ACTR3C: variants seen among roughly 807,000 people sequenced by gnomAD.
ACTR3C encodes actin-related protein 3C.
In ACTR3C, 18 loss-of-function variants were observed where a neutral mutation model predicts 26.3. The ratio of observed to expected loss-of-function variants is 0.68; its 90% CI spans 0.47 to 1.01. ACTR3C has a LOEUF of 1.01. ACTR3C is among the 50% of genes least tolerant of loss of function. ACTR3C has a pLI of 0.00. For synonymous variants in ACTR3C, 55 were observed against 94.5 expected, an observed-to-expected ratio of 0.58 and a Z score of 2.42; for missense variants, 184 against 250.7, an observed-to-expected ratio of 0.73 and a Z score of 1.80.
chr7:150,311,707 A>G (rs1796340543), intron 1 of ACTR3C, among the ~76,000 whole-genome samples: 1 of 152,114 alleles, frequency 6.6e-6, no homozygotes. Context: ...TAGTTTATTG[A>G]TGGCAGTTCC....
chr7:150,118,056 A>G, the ACTR3C span, among the ~76,000 whole-genome samples: 2 of 152,214 alleles, frequency 1.3e-5, no homozygotes, highest in African/African-American at 4.8e-5. Context: ...CAAAAAGGAC[A>G]ACAACGCAAA....
At chr7:150,192,968 T>C in the ACTR3C span, among the ~76,000 whole-genome samples, 8 of 152,238 alleles carry the variant, frequency 5.3e-5, no homozygotes, top group South Asian at 2.1e-4. Flanking sequence ...TCTTAACCTC[T>C]GTATTGTACC....
At chr7:150,187,268 G>A in the ACTR3C span, among the ~76,000 whole-genome samples, 1 of 150,558 alleles carries the variant, frequency 6.6e-6, no homozygotes. Context: ...CCAAGCACCT[G>A]TGTTTTTTAA....
the ACTR3C span, among the ~76,000 whole-genome samples, chr7:150,156,572 G>A: frequency 2.6e-5 from 4 of 151,802 alleles, no homozygotes; most frequent in East Asian, 7.8e-4. Flanking sequence ...AGAGAGAGAG[G>A]AGAAAGAGAG....
At chr7:149,952,340 G>T in the ACTR3C span, among the ~76,000 whole-genome samples, 1 of 146,124 alleles carries the variant, frequency 6.8e-6, no homozygotes, top group East Asian at 1.9e-4. Context: ...AAATGGCATT[G>T]TCATAGTTTT....
intron 1 of ACTR3C, among the ~76,000 whole-genome samples, chr7:150,310,846 C>T (rs1796252311): frequency 6.6e-6 from 1 of 152,202 alleles, no homozygotes; most frequent in Non-Finnish European, 1.5e-5. Flanking sequence ...ATCTTCCCAG[C>T]AGAACACTAT....
At chr7:150,263,763 G>T (rs1364716477) in intron 6 of ACTR3C, among the ~76,000 whole-genome samples, 1 of 152,198 alleles carries the variant, frequency 6.6e-6, no homozygotes, top group Non-Finnish European at 1.5e-5. Context: ...GCAAAGAAAT[G>T]ATCATTAGCT....
the ACTR3C span, among the ~76,000 whole-genome samples, chr7:149,955,812 C>A: frequency 6.6e-6 from 1 of 152,144 alleles, no homozygotes; most frequent in Non-Finnish European, 1.5e-5. Context: ...ATACATGATG[C>A]CTTCATACCT....
At chr7:150,201,477 G>T in the ACTR3C span, among the ~76,000 whole-genome samples, 1 of 152,062 alleles carries the variant, frequency 6.6e-6, no homozygotes, top group Non-Finnish European at 1.5e-5. Flanking sequence ...GCTGGGCACA[G>T]TGGCTTATGG....
chr7:150,315,382 G>A (rs1458172364), intron 1 of ACTR3C, among the ~76,000 whole-genome samples: 2 of 152,082 alleles, frequency 1.3e-5, no homozygotes, highest in Non-Finnish European at 2.9e-5. Context: ...ATATGCAGCC[G>A]AAGATGCTAG....
At chr7:150,309,523 T>C (rs1177057603) in intron 1 of ACTR3C, among the ~76,000 whole-genome samples, 7 of 152,216 alleles carry the variant, frequency 4.6e-5, no homozygotes, top group African/African-American at 7.2e-5. Flanking sequence ...TTGCGCCTGC[T>C]GTAAGACAAA....
chr7:149,901,908 C>T, the ACTR3C span, among the ~76,000 whole-genome samples: 700 of 35,482 alleles, frequency 0.02, 14 homozygotes, highest in African/African-American at 0.069. Flanking sequence ...AAGACTCTGT[C>T]TCAAAAAAAA....
At chr7:150,135,718 C>T in the ACTR3C span, among the ~76,000 whole-genome samples, 2 of 148,030 alleles carry the variant, frequency 1.4e-5, no homozygotes, top group Non-Finnish European at 3.0e-5. Context: ...ACTAATAGAG[C>T]AGAAATTATT....
At chr7:149,885,862 C>T in the ACTR3C span, among the ~76,000 whole-genome samples, 1 of 152,238 alleles carries the variant, frequency 6.6e-6, no homozygotes, top group Non-Finnish European at 1.5e-5. Context: ...TACCCAGACT[C>T]CCAGAAGCAG....
At chr7:150,219,110 G>T in the ACTR3C span, among the ~76,000 whole-genome samples, 1 of 149,368 alleles carries the variant, frequency 6.7e-6, no homozygotes, top group Non-Finnish European at 1.5e-5. Flanking sequence ...AACAAAACAA[G>T]AATTCCTTTA....
At chr7:150,037,005 C>T in the ACTR3C span, among the ~76,000 whole-genome samples, 15,537 of 54,660 alleles carry the variant, frequency 0.28, 4,450 homozygotes, top group East Asian at 0.65. Flanking sequence ...CGCCCCCCTG[C>T]GATGGGGGTA....
the ACTR3C span, among the ~76,000 whole-genome samples, chr7:149,960,641 G>A: frequency 1.1e-4 from 17 of 152,182 alleles, no homozygotes; most frequent in South Asian, 3.5e-3. Flanking sequence ...TCTTGGAGTC[G>A]ACTGTCATTA....
chr7:149,992,513 C>T, the ACTR3C span, among the ~76,000 whole-genome samples: 13 of 152,182 alleles, frequency 8.5e-5, no homozygotes, highest in African/African-American at 2.2e-4. Context: ...CCAGGTCTAG[C>T]CAAGAACAAT....
the ACTR3C span, among the ~76,000 whole-genome samples, chr7:149,906,428 T>C: frequency 1.9e-4 from 14 of 75,082 alleles, no homozygotes; most frequent in Admixed American, 1.3e-3. Flanking sequence ...TTTTTTTTTT[T>C]TTTTTTTTTT....
Sources: allele counts gnomAD v4.1 joint callset (sites outside exome capture counted in the v4.1 genomes callset), GRCh38; gene constraint gnomAD v4.1.1; transcripts MANE v1.5; gene names NCBI Gene and HGNC (gene_info 2026-07-23, HGNC 2026-07-21).